Variants in RYR2 observed in about 807,000 individuals in gnomAD.
The protein encoded by RYR2 is ryanodine receptor 2.
In RYR2, 227 loss-of-function variants were observed where a neutral mutation model predicts 601.1. That is an observed-to-expected ratio of 0.38 (90% CI 0.34 to 0.42). The LOEUF is 0.42. Among genes scored for constraint, RYR2 ranks in the 10% least tolerant of loss-of-function variants. The pLI is 1.00. For missense variants in RYR2, 4,646 were observed against 6,156.5 expected, an observed-to-expected ratio of 0.75 and a Z score of 8.21; for synonymous variants, 2,223 against 2,175.1, an observed-to-expected ratio of 1.02 and a Z score of -0.61.
chr1:237,173,161 C>A (rs1270127944), intron 1 of RYR2, among the ~76,000 whole-genome samples: 1 of 151,662 alleles, frequency 6.6e-6, no homozygotes. Context: ...GCTGTAGATA[C>A]GACAAACTAC....
intron 10 of RYR2, among the ~76,000 whole-genome samples, chr1:237,413,721 T>C (rs1383136454): frequency 2.0e-5 from 3 of 152,114 alleles, no homozygotes; most frequent in African/African-American, 7.2e-5. Context: ...ACAGAAAATG[T>C]ACATAATTTA....
chr1:237,362,127 G>T (rs144656727), intron 4 of RYR2, among the ~76,000 whole-genome samples: 4 of 152,286 alleles, frequency 2.6e-5, no homozygotes, highest in African/African-American at 7.2e-5. Context: ...TCCATCTGAT[G>T]TGTCAATTCC....
At chr1:237,589,717 C>CAAT in intron 29 of RYR2, 76 bp from the exon 30 acceptor site, 6 of 1,432,276 alleles carry the variant, frequency 4.2e-6, no homozygotes, top group Non-Finnish European at 5.8e-6. Context: ...GGTCCTGGAA[C>CAAT]AATATGTTTG....
intron 88 of RYR2, among the ~76,000 whole-genome samples, chr1:237,779,056 A>T (rs1214830113): frequency 1.3e-5 from 2 of 152,178 alleles, no homozygotes; most frequent in Non-Finnish European, 2.9e-5. Context: ...GTCCCCAAAC[A>T]TTGTACATTT....
intron 1 of RYR2, among the ~76,000 whole-genome samples, chr1:237,109,793 G>T (rs572536796): frequency 6.6e-6 from 1 of 151,848 alleles, no homozygotes. Context: ...TTGCCAACCT[G>T]ACTACTGATA....
intron 27 of RYR2, among the ~76,000 whole-genome samples, chr1:237,559,287 C>CCAT (rs1463317026): frequency 6.6e-6 from 1 of 152,048 alleles, no homozygotes; most frequent in African/African-American, 2.4e-5. Context: ...TGCTCCTGCC[C>CCAT]CATCACCCTC....
At chr1:237,385,045 A>G (rs1414009394) in intron 8 of RYR2, among the ~76,000 whole-genome samples, 1 of 151,954 alleles carries the variant, frequency 6.6e-6, no homozygotes, top group African/African-American at 2.4e-5. Flanking sequence ...GCCTGCCACC[A>G]TGCCTGGCTA....
At chr1:237,482,830 G>T (rs1224059276) in intron 17 of RYR2, among the ~76,000 whole-genome samples, 3 of 152,076 alleles carry the variant, frequency 2.0e-5, no homozygotes, top group South Asian at 2.1e-4. Context: ...AGTGCAGGAG[G>T]GTTCCCTTTT....
intron 2 of RYR2, among the ~76,000 whole-genome samples, chr1:237,307,695 C>G (rs1490115742): frequency 6.6e-6 from 1 of 152,162 alleles, no homozygotes; most frequent in East Asian, 1.9e-4. Context: ...CTGTTCCATT[C>G]CTTATGATAT....
At position 237,116,006 on chromosome 1, in the gene RYR2, G is replaced by C. The variant is rs953625809; in HGVS notation, c.48+73437G>C. Among the ~76,000 whole-genome samples, 7 of 152,272 alleles carry C rather than the reference G, an allele frequency of 4.6e-5. No individual in the cohort carries two copies. In the East Asian group the frequency reaches 1.2e-3, roughly 25 times the overall value. ...ATAAGGAAAAAGGAGAAAACTATGA[G>C]AAGAATTAATAGGGTTGAAAGATGA... On this transcript the variant is annotated intron_variant, in intron 1 of 104. Coordinates refer to ENST00000366574, the MANE Select transcript of RYR2 (RefSeq NM_001035.3).
chr1:237,555,156 C>G (rs1048192828), intron 27 of RYR2: 1 of 152,032 alleles, frequency 6.6e-6, no homozygotes, highest in African/African-American at 2.4e-5. Flanking sequence ...TTGAAATGAC[C>G]TATTAAATGT....
At chr1:237,759,014 G>A (rs1279581751) in intron 82 of RYR2, among the ~76,000 whole-genome samples, 1 of 152,126 alleles carries the variant, frequency 6.6e-6, no homozygotes, top group African/African-American at 2.4e-5. Flanking sequence ...ACAGACTATG[G>A]TAATGGAAAC....
intron 1 of RYR2, among the ~76,000 whole-genome samples, chr1:237,081,198 T>G (rs1665576697): frequency 8.1e-6 from 1 of 123,252 alleles, no homozygotes; most frequent in East Asian, 2.4e-4. Context: ...CATTAGTGGG[T>G]GCAGCGCACC....
rs771173251 is a variant in RYR2, at chr1:237,423,082, T to C, written c.849-10T>C. 1.2e-6 allele frequency: 2 copies of C among 1,609,912 alleles called. No homozygotes were observed. The highest frequency in any genetic ancestry group is 1.7e-6 in the Non-Finnish European group (2 of 1,178,756). ...GTGCTATTGGATCAAGTCCTAACTG[T>C]TTTCATTAGGTGGAGTGGAAGCCAC... On this transcript the variant is annotated splice_polypyrimidine_tract_variant and intron_variant, in intron 11 of 104. Transcript: ENST00000366574.
intron 2 of RYR2, among the ~76,000 whole-genome samples, chr1:237,306,922 G>A (rs898065124): frequency 5.3e-5 from 8 of 152,070 alleles, no homozygotes; most frequent in African/African-American, 1.9e-4. Flanking sequence ...ATGATTCATT[G>A]TAACACAAAT....
intron 12 of RYR2, among the ~76,000 whole-genome samples, chr1:237,423,976 TGAGA>T (rs1272762545): frequency 6.6e-6 from 1 of 151,538 alleles, no homozygotes; most frequent in African/African-American, 2.4e-5. Context: ...TGGAGGCAGG[TGAGA>T]GAGAGAGCAG....
chr1:237,579,447 G>C (rs1455779493), intron 29 of RYR2, among the ~76,000 whole-genome samples: 2 of 151,570 alleles, frequency 1.3e-5, no homozygotes, highest in Admixed American at 1.3e-4. Context: ...GTACAGACAG[G>C]GTTTCACCAT....
At chr1:237,321,857 A>C (rs1695656547) in intron 2 of RYR2, among the ~76,000 whole-genome samples, 1 of 152,170 alleles carries the variant, frequency 6.6e-6, no homozygotes, top group Non-Finnish European at 1.5e-5. Flanking sequence ...GAGAAACATG[A>C]GGCTTCTTAA....
rs566635483 is a variant in RYR2 at position 237,254,859 on chromosome 1, C to T, written c.49-15638C>T. 3.3e-5 allele frequency among the ~76,000 whole-genome samples: 5 copies of T among 152,310 alleles called. No individual in the cohort carries two copies. In the South Asian group the frequency reaches 1.0e-3, roughly 32 times the overall value. ...CAGCCTGTCTGGCACTTGCTTTCAT[C>T]TCTGAATACTTTATGCTTATGGATA... On this transcript the variant is annotated intron_variant, in intron 1 of 104. Coordinates refer to ENST00000366574, the MANE Select transcript of RYR2 (RefSeq NM_001035.3).
Sources: allele counts gnomAD v4.1 joint callset (sites outside exome capture counted in the v4.1 genomes callset), GRCh38; gene constraint gnomAD v4.1.1; transcripts MANE v1.5; gene names NCBI Gene and HGNC (gene_info 2026-07-23, HGNC 2026-07-21).